ALDH6A1: variants seen among roughly 807,000 people sequenced by gnomAD.
ALDH6A1 encodes methylmalonate-semialdehyde/malonate-semialdehyde dehydrogenase [acylating], mitochondrial.
A neutral mutation model predicts 62.6 loss-of-function variants in ALDH6A1; 43 were observed. The ratio of observed to expected loss-of-function variants is 0.69; its 90% CI spans 0.54 to 0.89. The LOEUF is 0.89. Among genes scored for constraint, ALDH6A1 ranks in the 40% least tolerant of loss-of-function variants. ALDH6A1 has a pLI of 0.00. For synonymous variants in ALDH6A1, 194 were observed against 234.2 expected (o/e 0.83, Z 1.57); for missense variants, 551 against 661.3 (o/e 0.83, Z 1.83).
In ALDH6A1 at chr14:74,067,886, T is replaced by C. The variant is rs958854563; in HGVS notation, c.853-317A>G. On this transcript the variant is annotated intron_variant, in intron 7 of 11. Coordinates refer to ENST00000553458, the MANE Select transcript of ALDH6A1 (RefSeq NM_005589.4). Reference sequence around the variant, plus strand: ...GTTGCAGTGAGCCAAGATCACACCATTGTACTCCAGACTGGGTGACAGAGT... The same window carrying C: ...GTTGCAGTGAGCCAAGATCACACCACTGTACTCCAGACTGGGTGACAGAGT... Among the ~76,000 whole-genome samples, 16 of 150,950 alleles carry C rather than the reference T, an allele frequency of 1.1e-4. No individual in the cohort carries two copies. The East Asian group carries it at 2.8e-3, about 26-fold the overall frequency.
chr14:74,073,815 G>A (rs2060580172), intron 2 of ALDH6A1, among the ~76,000 whole-genome samples: 1 of 151,566 alleles, frequency 6.6e-6, no homozygotes, highest in Non-Finnish European at 1.5e-5. Flanking sequence ...CTATTCGGGA[G>A]GTTGAGGCAG....
Position 74,057,530 on chromosome 14 carries a change from T to C in ALDH6A1, c.*3112A>G. ...TAAACAGCCTAGCCAAAATGTGTAC[T>C]ATCTTTTACGTAAGAGTAAACATAG... On this transcript the variant is annotated 3_prime_UTR_variant, in exon 12 of 12. Transcript: ENST00000553458. The C allele has an allele frequency of 7.4e-7, 1 of 1,350,328 alleles. No individual in the cohort carries two copies. The highest frequency in any genetic ancestry group is 9.6e-7 in the Non-Finnish European group (1 of 1,044,326). 83.6% of individuals were successfully genotyped at this position (1,350,328 alleles called of 1,614,324 possible).
chr14:74,064,797 A>T, intron 11 of ALDH6A1, 25 bp downstream of exon 11: 1 of 1,613,166 alleles, frequency 6.2e-7, no homozygotes, highest in Non-Finnish European at 8.5e-7. Context: ...AAAGGAAAAG[A>T]CAAAAAATTT....
chr14:74,063,649 T>C lies in ALDH6A1; in HGVS notation c.1503+1173A>G, dbSNP rs182226901. Among the ~76,000 whole-genome samples the C allele has an allele frequency of 3.5e-3, 535 of 151,626 alleles. 4 individuals carry two copies. Among genetic ancestry groups the C allele is most frequent in the African/African-American group, 0.012 (508 of 41,364 alleles). On this transcript the variant is annotated intron_variant, in intron 11 of 11. Coordinates refer to ENST00000553458, the MANE Select transcript of ALDH6A1 (RefSeq NM_005589.4). The stretch of plus-strand genomic sequence containing the variant: ...AGGAGGCTGAGGCAGGCGGATCACC[T>C]GAGGTCAGGAATTCGAGACCAGCCT...
chr14:74,071,718 G>T, intron 5 of ALDH6A1, 178 bp downstream of exon 5: 2 of 1,469,548 alleles, frequency 1.4e-6, no homozygotes, highest in Non-Finnish European at 9.2e-7. Context: ...TTTGAGTAAA[G>T]AGTAAAGTAA....
In ALDH6A1 at chr14:74,057,888, C is replaced by A; in HGVS notation, c.*2754G>T. 7 of 1,002,238 alleles carry A rather than the reference C, an allele frequency of 7.0e-6. No homozygotes were observed. The highest frequency in any genetic ancestry group is 8.3e-6 in the Non-Finnish European group (7 of 840,364). The allele number at this position is 1,002,238 out of a possible 1,614,324, so 62.1% of individuals were successfully genotyped here. ...TGTTTCTAATTAGAGCATCACAGTT[C>A]TGATTAGTGTGTTTTTTTAGAAGTG... On this transcript the variant is annotated 3_prime_UTR_variant, in exon 12 of 12. Transcript: ENST00000553458.
intron 2 of ALDH6A1, among the ~76,000 whole-genome samples, chr14:74,072,952 A>G (rs1413428635): frequency 6.6e-6 from 1 of 152,046 alleles, no homozygotes; most frequent in Non-Finnish European, 1.5e-5. Context: ...GACACCCGCC[A>G]CAACACCCAA....
rs971445377 is a variant in ALDH6A1 at position 74,065,235 on chromosome 14, G to A, written c.1350C>T (p.Phe450=). 1.2e-5 allele frequency: 20 copies of A among 1,614,140 alleles called. No homozygotes were observed. The African/African-American group carries it at 2.4e-4, about 19-fold the overall frequency. The part of the protein sequence containing the change: ...NNPYGNGTAI[F]TTNGATARKY... ...TCCGAGCAGTGGCTCCATTGGTGGT[G>A]AAGATGGCAGTTCCATTTCCATATG... is the stretch of plus-strand genomic sequence containing the variant. The change falls in exon 10 of 12, where the codon TTC becomes TTT. Residue 450 remains phenylalanine (F), a synonymous_variant. Coordinates refer to ENST00000553458, the MANE Select transcript of ALDH6A1 (RefSeq NM_005589.4).
At chr14:74,073,411 A>T in intron 2 of ALDH6A1, among the ~76,000 whole-genome samples, 1 of 142,718 alleles carries the variant, frequency 7.0e-6, no homozygotes, top group South Asian at 2.2e-4. Flanking sequence ...AGACTATAGT[A>T]TATATTAAGA....
chr14:74,069,397 A>G (rs1402467050), intron 6 of ALDH6A1: 2 of 253,242 alleles, frequency 7.9e-6, no homozygotes, highest in Non-Finnish European at 1.6e-5. Flanking sequence ...CCACTGCATC[A>G]GGCCTGTGTT....
chr14:74,068,902 G>T lies in ALDH6A1; in HGVS notation c.810C>A (p.Phe270Leu). Residue 270 changes from phenylalanine (F) to leucine (L), a missense_variant, in exon 7 of 12, where the codon TTC becomes TTA. Transcript: ENST00000553458. Reference sequence around the variant, plus strand: ...TCTTGCCATGTCTTGATCCTCTCTCGAAGATATACTCTCCTGCCTTGTTGG... The same window carrying T: ...TCTTGCCATGTCTTGATCCTCTCTCTAAGATATACTCTCCTGCCTTGTTGG... Reference protein sequence around the residue: ...VGSNKAGEYIFERGSRHGKRV... With the variant: ...VGSNKAGEYILERGSRHGKRV... 6.2e-7 allele frequency: 1 copy of T among 1,613,920 alleles called. No individual in the cohort carries two copies. Among genetic ancestry groups the T allele is most frequent in the Non-Finnish European group, 8.5e-7 (1 of 1,179,946 alleles).
In ALDH6A1 at chr14:74,056,938, C is replaced by A; in HGVS notation, c.*3704G>T. ...AACCAGAGTTCTAGGCCTCCAGTTC[C>A]AGACTATGTTGTTTCTGACAGTGGG... On this transcript the variant is annotated 3_prime_UTR_variant, in exon 12 of 12. Coordinates refer to ENST00000553458, the MANE Select transcript of ALDH6A1 (RefSeq NM_005589.4). 1 of 1,613,902 alleles carries A rather than the reference C, an allele frequency of 6.2e-7. No individual in the cohort carries two copies. Among genetic ancestry groups the A allele is most frequent in the Non-Finnish European group, 8.5e-7 (1 of 1,179,916 alleles).
chr14:74,065,473 T>A, intron 9 of ALDH6A1, 113 bp from the exon 10 acceptor site: 1 of 953,926 alleles, frequency 1.0e-6, no homozygotes, highest in Non-Finnish European at 1.6e-6. Flanking sequence ...ACTTTCATAT[T>A]ACTAATCTCT....
Position 74,075,035 on chromosome 14 carries a change from G to A in ALDH6A1, c.49-18C>T, listed in dbSNP as rs112030384. On this transcript the variant is annotated intron_variant, in intron 1 of 11. Transcript: ENST00000553458. ...GAAGAAACCTGTGAGGCAAAAGAAC[G>A]ATTATTTTGATAAATGAGAGCAGAA... 5.5e-5 allele frequency: 88 copies of A among 1,611,190 alleles called. 2 individuals carry two copies. The highest frequency in any genetic ancestry group is 4.0e-4 in the African/African-American group (30 of 74,908).
intron 7 of ALDH6A1, among the ~76,000 whole-genome samples, chr14:74,067,887 T>A (rs2060493147): frequency 6.6e-6 from 1 of 151,682 alleles, no homozygotes; most frequent in Non-Finnish European, 1.5e-5. Context: ...ATCACACCAT[T>A]GTACTCCAGA....
At chr14:74,074,881 TA>T in intron 2 of ALDH6A1, 73 bp downstream of exon 2, 1 of 1,446,338 alleles carries the variant, frequency 6.9e-7, no homozygotes, top group Admixed American at 1.7e-5. Context: ...GACAATTATG[TA>T]AAGAAGATAG....
Position 74,066,885 on chromosome 14 carries a change from T to G in ALDH6A1, c.1044A>C (p.Gly348=). 6.2e-7 allele frequency: 1 copy of G among 1,613,720 alleles called. No homozygotes were observed. Among genetic ancestry groups the G allele is most frequent in the Non-Finnish European group, 8.5e-7 (1 of 1,179,678 alleles). The change falls in exon 9 of 12, where the codon GGA becomes GGC. Residue 348 remains glycine, a splice_region_variant and synonymous_variant. Coordinates refer to ENST00000553458, the MANE Select transcript of ALDH6A1 (RefSeq NM_005589.4). ...GGCCAAGATCAGCTCCAGGCTGATC[T>G]CCTGTAAAACAACACAGAAGAATTT... is the stretch of plus-strand genomic sequence containing the variant. ...EHAKNLRVNA[G]DQPGADLGPL...
chr14:74,069,026 T>C, intron 6 of ALDH6A1, 45 bp from the exon 7 acceptor site: 1 of 1,607,102 alleles, frequency 6.2e-7, no homozygotes, highest in Non-Finnish European at 8.5e-7. Context: ...AGCAAATGGA[T>C]TCTCAACATG....
chr14:74,057,499 T>C lies in ALDH6A1; in HGVS notation c.*3143A>G. On this transcript the variant is annotated 3_prime_UTR_variant, in exon 12 of 12. Transcript: ENST00000553458. ...TGTGTAGAAACCTATAGGTTGCCTTTTGAAGTAAACAGCCTAGCCAAAATG... is the reference window on the plus strand; with the variant it reads ...TGTGTAGAAACCTATAGGTTGCCTTCTGAAGTAAACAGCCTAGCCAAAATG... The C allele has an allele frequency of 2.1e-6, 3 of 1,395,742 alleles. No homozygotes were observed. Among genetic ancestry groups the C allele is most frequent in the Non-Finnish European group, 2.8e-6 (3 of 1,073,322 alleles). The allele number at this position is 1,395,742 out of a possible 1,614,324, so 86.5% of individuals were successfully genotyped here.
Sources: gnomAD v4.1 joint callset for allele counts (sites outside exome capture counted in the v4.1 genomes callset) on GRCh38, gnomAD v4.1.1 for gene constraint, MANE v1.5 for transcripts, NCBI Gene and HGNC (gene_info 2026-07-23, HGNC 2026-07-21) for gene names.